The following MARCHF10 variants were observed in gnomAD, a reference collection of about 807,000 sequenced individuals.
MARCHF10 encodes the protein probable E3 ubiquitin-protein ligase MARCHF10.
A neutral mutation model predicts 76.2 loss-of-function variants in MARCHF10; 64 were observed. The observed-to-expected ratio is 0.84, with a 90% CI of 0.69 to 1.03. MARCHF10 has a LOEUF of 1.03. MARCHF10 is among the 50% of genes least tolerant of loss of function. The pLI is 0.00. For synonymous variants in MARCHF10, 340 were observed against 357.5 expected (o/e 0.95, Z 0.55); for missense variants, 875 against 958.0 (o/e 0.91, Z 1.14).
At chr17:62,803,778 A>T (rs568067077) in intron 1 of MARCHF10, among the ~76,000 whole-genome samples, 2 of 152,250 alleles carry the variant, frequency 1.3e-5, no homozygotes, top group South Asian at 4.1e-4. Flanking sequence ...GGCCTCCCAA[A>T]GTGCTGGGAT....
At chr17:62,730,321 G>C (rs2090969406) in intron 6 of MARCHF10, among the ~76,000 whole-genome samples, 2 of 152,358 alleles carry the variant, frequency 1.3e-5, no homozygotes, top group Admixed American at 1.3e-4. Context: ...TAAGGATAGT[G>C]TATGCCAAAG....
At chr17:62,727,527 C>A (rs1314227835) in intron 6 of MARCHF10, among the ~76,000 whole-genome samples, 1 of 151,980 alleles carries the variant, frequency 6.6e-6, no homozygotes, top group Non-Finnish European at 1.5e-5. Context: ...AAATATATAG[C>A]TTGGTGTACT....
Position 62,736,312 on chromosome 17 carries a change from C to T in MARCHF10, c.1556G>A (p.Arg519Lys), listed in dbSNP as rs201690957. ...GTTTTCGGCACTGGCAAATGGAGTCCTATTTCTAATGGGAGACAGTGGTTG... is the reference window on the plus strand; with the variant it reads ...GTTTTCGGCACTGGCAAATGGAGTCTTATTTCTAATGGGAGACAGTGGTTG... ...VCQPLSPIRN[R>K]TPFASAENHN... Residue 519 changes from arginine to lysine, a missense_variant, in exon 6 of 11, where the codon AGG becomes AAG. Coordinates refer to ENST00000311269, the MANE Select transcript of MARCHF10 (RefSeq NM_152598.4). The T allele has an allele frequency of 9.7e-5, 156 of 1,614,190 alleles. No homozygotes were observed. The East Asian group carries it at 3.5e-3, about 36-fold the overall frequency.
chr17:62,799,629 C>A (rs886475158), intron 2 of MARCHF10, among the ~76,000 whole-genome samples: 41 of 152,216 alleles, frequency 2.7e-4, no homozygotes, highest in Admixed American at 2.5e-3. Context: ...TGCCTGAATC[C>A]CAGCTACTTG....
chr17:62,749,054 C>T (rs980620548), intron 4 of MARCHF10, among the ~76,000 whole-genome samples: 3 of 152,198 alleles, frequency 2.0e-5, no homozygotes, highest in African/African-American at 4.8e-5. Flanking sequence ...GGACAACATA[C>T]AGACCCCCTA....
intron 4 of MARCHF10, among the ~76,000 whole-genome samples, chr17:62,756,460 C>T (rs1314405947): frequency 6.6e-6 from 1 of 152,064 alleles, no homozygotes; most frequent in African/African-American, 2.4e-5. Flanking sequence ...ATCAATCAAT[C>T]AGTCAATCAA....
chr17:62,701,812 G>C, intron 10 of MARCHF10, 54 bp from the exon 11 acceptor site: 3 of 1,610,040 alleles, frequency 1.9e-6, no homozygotes, highest in Non-Finnish European at 2.5e-6. Flanking sequence ...CCGTGGGTCT[G>C]TTACAGGGGG....
chr17:62,708,453 C>T (rs2089726508), intron 9 of MARCHF10, among the ~76,000 whole-genome samples: 1 of 152,082 alleles, frequency 6.6e-6, no homozygotes, highest in East Asian at 1.9e-4. Flanking sequence ...ACCGTGTTAG[C>T]CAGGATGGTC....
intron 1 of MARCHF10, among the ~76,000 whole-genome samples, chr17:62,803,776 A>G (rs2148225324): frequency 6.6e-6 from 1 of 152,270 alleles, no homozygotes; most frequent in African/African-American, 2.4e-5. Context: ...TTGGCCTCCC[A>G]AAGTGCTGGG....
intron 3 of MARCHF10, among the ~76,000 whole-genome samples, chr17:62,765,360 A>T (rs1381067523): frequency 2.0e-5 from 3 of 150,854 alleles, no homozygotes; most frequent in Non-Finnish European, 4.4e-5. Context: ...TCAAAAAAAA[A>T]AAAAAAAAAA....
At chr17:62,772,763 T>C (rs1568188980) in intron 3 of MARCHF10, among the ~76,000 whole-genome samples, 1 of 152,230 alleles carries the variant, frequency 6.6e-6, no homozygotes, top group Non-Finnish European at 1.5e-5. Context: ...ATTTTTCATC[T>C]ACGAATGCAG....
chr17:62,778,077 G>T (rs1309094725), intron 3 of MARCHF10, among the ~76,000 whole-genome samples: 1 of 152,228 alleles, frequency 6.6e-6, no homozygotes, highest in Non-Finnish European at 1.5e-5. Flanking sequence ...CAGCCTAAGG[G>T]AGGAGGCAGA....
At chr17:62,784,142 C>T (rs992324022) in intron 3 of MARCHF10, among the ~76,000 whole-genome samples, 12 of 152,132 alleles carry the variant, frequency 7.9e-5, no homozygotes, top group South Asian at 6.2e-4. Flanking sequence ...ACTGGCAAAG[C>T]GAATCCAGTA....
At chr17:62,748,093 T>A (rs1321815039) in intron 4 of MARCHF10, among the ~76,000 whole-genome samples, 1 of 152,184 alleles carries the variant, frequency 6.6e-6, no homozygotes, top group East Asian at 1.9e-4. Context: ...AGTTTGTGTG[T>A]ACATGGGTTT....
chr17:62,701,621 AGGAG>A lies in MARCHF10; in HGVS notation c.*78_*81del, dbSNP rs1389680317. 1 of 1,609,888 alleles carries A rather than the reference AGGAG, an allele frequency of 6.2e-7. No homozygotes were observed. The highest frequency in any genetic ancestry group is 1.7e-5 in the Admixed American group (1 of 59,994). On this transcript the variant is annotated 3_prime_UTR_variant, in exon 11 of 11. Transcript: ENST00000311269. ...TTTGGTTTCAGTTTCAGTAAAGAGGAGGAGGGAGGGAGGCACTTGGGGACGTAGA... is the reference window on the plus strand; with the variant it reads ...TTTGGTTTCAGTTTCAGTAAAGAGGAGGAGGGAGGCACTTGGGGACGTAGA...
At chr17:62,780,458 G>T (rs1219283655) in intron 3 of MARCHF10, among the ~76,000 whole-genome samples, 2 of 152,156 alleles carry the variant, frequency 1.3e-5, no homozygotes, top group Non-Finnish European at 2.9e-5. Flanking sequence ...CACCTTGCTT[G>T]CTGGTACAGT....
chr17:62,745,221 A>C (rs2091662310), intron 4 of MARCHF10, among the ~76,000 whole-genome samples: 1 of 150,584 alleles, frequency 6.6e-6, no homozygotes, highest in Non-Finnish European at 1.5e-5. Flanking sequence ...CTCCTGCCTC[A>C]GCCTCCTCAG....
intron 5 of MARCHF10, 111 bp downstream of exon 5, chr17:62,744,265 C>G: frequency 8.4e-7 from 1 of 1,189,400 alleles, no homozygotes. Flanking sequence ...GTACATGCAC[C>G]TCATTTACTT....
rs746871070 is a variant in MARCHF10 at position 62,736,435 on chromosome 17, T to C, written c.1433A>G (p.His478Arg). 56 of 1,614,192 alleles carry C rather than the reference T, an allele frequency of 3.5e-5. 1 individual carries two copies. In the South Asian group the frequency reaches 5.9e-4, roughly 17 times the overall value. Residue 478 changes from histidine to arginine, a missense_variant, in exon 6 of 11, where the codon CAT becomes CGT. Transcript: ENST00000311269. ...TGGAATATCATCTCTCAGAGCAGAATGCATGAATGATGCAGGAGGGTTATA... is the reference window on the plus strand; with the variant it reads ...TGGAATATCATCTCTCAGAGCAGAACGCATGAATGATGCAGGAGGGTTATA... Reference protein sequence around the residue: ...SSYNPPASFMHSALRDDIPVD... With the variant: ...SSYNPPASFMRSALRDDIPVD...
Sources: allele counts gnomAD v4.1 joint callset (sites outside exome capture counted in the v4.1 genomes callset), GRCh38; gene constraint gnomAD v4.1.1; transcripts MANE v1.5; gene names NCBI Gene and HGNC (gene_info 2026-07-23, HGNC 2026-07-21).